Variants in ANKAR observed in about 807,000 individuals in gnomAD.
ANKAR encodes ankyrin and armadillo repeat containing, also known as ankyrin and armadillo repeat-containing protein.
ANKAR carries 136 observed loss-of-function variants against 146.2 expected under a neutral mutation model. That is an observed-to-expected ratio of 0.93 (90% confidence interval 0.81 to 1.07). The LOEUF (loss-of-function observed/expected upper bound fraction) is 1.07, where lower values mean the gene tolerates loss of function less well. Ranked by LOEUF, ANKAR falls within the 50% of genes least tolerant of loss-of-function variation. The pLI, the probability that ANKAR is intolerant of heterozygous loss-of-function variation, is 0.00. For synonymous variants in ANKAR, 500 were observed against 575.8 expected (o/e 0.87, Z 1.88); for missense variants, 1,567 against 1,679.9 (o/e 0.93, Z 1.18).
At chr2:189,678,158 A>G (rs892684751) in intron 2 of ANKAR, among the ~76,000 whole-genome samples, 2 of 152,034 alleles carry the variant, frequency 1.3e-5, no homozygotes, top group Non-Finnish European at 2.9e-5. Context: ...ATGGTATCTC[A>G]GTGTGGTTTG....
chr2:189,742,904 TGA>T (rs1491575473), intron 20 of ANKAR, among the ~76,000 whole-genome samples: 5 of 10,560 alleles, frequency 4.7e-4, no homozygotes, highest in Admixed American at 1.1e-3. Context: ...TAGAATTACC[TGA>T]CACACACACA....
chr2:189,688,333 C>T (rs2035902234), intron 2 of ANKAR, among the ~76,000 whole-genome samples: 1 of 152,086 alleles, frequency 6.6e-6, no homozygotes, highest in African/African-American at 2.4e-5. Flanking sequence ...TGTTTTTATG[C>T]CAGTACGATG....
At chr2:189,757,932 A>C (rs2106043441) in intron 18 of ANKAR, among the ~76,000 whole-genome samples, 1 of 152,230 alleles carries the variant, frequency 6.6e-6, no homozygotes, top group South Asian at 2.1e-4. Flanking sequence ...TCACTTAGTG[A>C]TATGGTTTGG....
At position 189,728,273 on chromosome 2, in the gene ANKAR, CA is replaced by C. The variant is rs781385352; in HGVS notation, c.2887del (p.Ile963Ter). On this transcript the variant is annotated frameshift_variant, in exon 14 of 23. Coordinates refer to ENST00000684021, the MANE Select transcript of ANKAR (RefSeq NM_001378068.1). LOFTEE classifies it high-confidence loss of function. ...GAAATATTTTTAAAAATAGGCATTT[CA>C]AATAGATGTTAAGGAACAAGGAGCT... Reference protein sequence around the residue: ...KYLLKLLKAFQIDVKEQGAVA... With the variant: ...KYLLKLLKAFXIDVKEQGAVA... 6.3e-7 allele frequency: 1 copy of C among 1,591,522 alleles called. No homozygotes were observed. The highest frequency in any genetic ancestry group is 1.2e-5 in the South Asian group (1 of 85,008).
chr2:189,762,565 A>G (rs2047268360), downstream of ANKAR: 6 of 983,886 alleles, frequency 6.1e-6, no homozygotes, highest in Non-Finnish European at 7.2e-6. Context: ...GGCTGAACCC[A>G]CGTGACTTGG....
At chr2:189,725,924 GA>G (rs1413555970) in intron 12 of ANKAR, among the ~76,000 whole-genome samples, 1 of 151,888 alleles carries the variant, frequency 6.6e-6, no homozygotes, top group Non-Finnish European at 1.5e-5. Context: ...GAAAAGAAAA[GA>G]AAAGAAAAGT....
chr2:189,690,359 A>G (rs1344050298), intron 3 of ANKAR, among the ~76,000 whole-genome samples: 2 of 152,330 alleles, frequency 1.3e-5, no homozygotes, highest in East Asian at 3.9e-4. Flanking sequence ...TAAAATTAAT[A>G]TAGAGCAGCA....
In ANKAR at chr2:189,727,992, A is replaced by C. The variant is rs764133825; in HGVS notation, c.2772A>C (p.Gln924His). 1.4e-5 allele frequency: 22 copies of C among 1,614,060 alleles called. No individual in the cohort carries two copies. Among genetic ancestry groups the C allele is most frequent in the Non-Finnish European group, 1.9e-5 (22 of 1,179,992 alleles). Residue 924 changes from glutamine to histidine, a missense_variant, in exon 13 of 23, where the codon CAA (glutamine) becomes CAC (histidine). Transcript: ENST00000684021. ...ALFKGKQISV[Q>H]MKGAMAVESL... is the part of the protein sequence containing the mutation. ...TTAAAGGGAAACAAATTAGTGTCCAAATGAAAGGTGCAATGGCTGTGGAAT... is the reference window on the plus strand; with the variant it reads ...TTAAAGGGAAACAAATTAGTGTCCACATGAAAGGTGCAATGGCTGTGGAAT...
intron 4 of ANKAR, 85 bp downstream of exon 4, chr2:189,692,503 A>C: frequency 8.0e-7 from 1 of 1,242,774 alleles, no homozygotes. Context: ...CTGTTGGTAC[A>C]GGCACTCGAC....
At chr2:189,761,810 T>A (rs2047102380), downstream of ANKAR, 3 of 748,838 alleles carry the variant, frequency 4.0e-6, no homozygotes, top group East Asian at 1.0e-4. Context: ...ATAAATAATA[T>A]TATGAATGAA....
intron 10 of ANKAR, among the ~76,000 whole-genome samples, chr2:189,713,802 A>G (rs1274769525): frequency 2.6e-5 from 4 of 152,262 alleles, no homozygotes; most frequent in Non-Finnish European, 5.9e-5. Context: ...GCCCCAATTA[A>G]AAGACACGGA....
rs2037172104 is a variant in ANKAR, at chr2:189,696,165, A to G, written c.1504A>G (p.Met502Val). Residue 502 changes from methionine to valine, a missense_variant, in exon 7 of 23, where the codon ATG becomes GTG. Physicochemically the swap from Met to Val is conservative, Grantham distance 21 (BLOSUM62 1). Transcript: ENST00000684021. Reference protein sequence around the residue: ...AMKCKSIPFGMKSAVERGLSA... With the variant: ...AMKCKSIPFGVKSAVERGLSA... Reference sequence around the variant, plus strand: ...TTAATTTTAGAGTATTCCATTTGGTATGAAGTCCGCTGTTGAAAGAGGGTT... The same window carrying G: ...TTAATTTTAGAGTATTCCATTTGGTGTGAAGTCCGCTGTTGAAAGAGGGTT... The G allele has an allele frequency of 6.2e-7, 1 of 1,613,984 alleles. No individual in the cohort carries two copies. The highest frequency in any genetic ancestry group is 1.3e-5 in the African/African-American group (1 of 75,042).
chr2:189,693,150 T>C lies in ANKAR; in HGVS notation c.1280T>C (p.Ile427Thr). Residue 427 changes from isoleucine (I) to threonine (T), a missense_variant, in exon 5 of 23, where the codon ATA becomes ACA. By Grantham distance (89) the Ile-to-Thr change is moderately conservative. Coordinates refer to ENST00000684021, the MANE Select transcript of ANKAR (RefSeq NM_001378068.1). ...TCAGGATATAAAGAATATTACTCAA[T>C]ACCAGTCATGGAATTTCATGGAAAA... Reference protein sequence around the residue: ...EDSGYKEYYSIPVMEFHGKSY... With the variant: ...EDSGYKEYYSTPVMEFHGKSY... 1 of 1,557,910 alleles carries C rather than the reference T, an allele frequency of 6.4e-7. No homozygotes were observed. The highest frequency in any genetic ancestry group is 2.0e-5 in the Admixed American group (1 of 50,298).
Position 189,689,703 on chromosome 2 carries a change from G to A in ANKAR, c.778G>A (p.Val260Ile). ...CACACAAATTCAACAGTATGAAAATGTCTTTATATTTGAAACAGGCTATTG... is the reference window on the plus strand; with the variant it reads ...CACACAAATTCAACAGTATGAAAATATCTTTATATTTGAAACAGGCTATTG... The part of the protein sequence containing the change: ...STTQIQQYEN[V>I]FIFETGYWLT... Residue 260 changes from valine (V) to isoleucine (I), a missense_variant, in exon 3 of 23, where the codon GTC becomes ATC. Coordinates refer to ENST00000684021, the MANE Select transcript of ANKAR (RefSeq NM_001378068.1). 6.2e-7 allele frequency: 1 copy of A among 1,613,478 alleles called. No homozygotes were observed. Among genetic ancestry groups the A allele is most frequent in the African/African-American group, 1.3e-5 (1 of 74,984 alleles).
At chr2:189,721,918 A>C (rs1272712227) in intron 12 of ANKAR, among the ~76,000 whole-genome samples, 1 of 152,212 alleles carries the variant, frequency 6.6e-6, no homozygotes, top group Non-Finnish European at 1.5e-5. Flanking sequence ...AATTTAAGCA[A>C]GTGTCACTTT....
In ANKAR at chr2:189,728,585, C is replaced by G. The variant is rs1225087; in HGVS notation, c.3032-75C>G. 1,530,039 of 1,535,816 alleles carry G rather than the reference C, an allele frequency of 1. 762,291 individuals carry two copies. The highest frequency in any genetic ancestry group is 1 in the East Asian group (44,248 of 44,248). On this transcript the variant is annotated intron_variant, in intron 14 of 22. Coordinates refer to ENST00000684021, the MANE Select transcript of ANKAR (RefSeq NM_001378068.1). ...CCCAAGTAGCTGGGATTACAAGTGT[C>G]AGCCACCGTGTCCTCTGCATAATGT... is the stretch of plus-strand genomic sequence containing the variant.
Position 189,746,495 on chromosome 2 carries a change from T to C in ANKAR, c.4173T>C (p.Asp1391=), listed in dbSNP as rs781638743. 6.2e-7 allele frequency: 1 copy of C among 1,613,796 alleles called. No individual in the cohort carries two copies. The highest frequency in any genetic ancestry group is 1.7e-5 in the Admixed American group (1 of 59,994). The change falls in exon 23 of 23, where the codon GAT becomes GAC. Residue 1391 remains aspartate, a synonymous_variant. Transcript: ENST00000684021. ...GLFKATKKTK[D]SHNIFSFSST... is the part of the protein sequence containing the mutation. ...TCAAAGCAACAAAAAAGACCAAGGATTCCCATAATATTTTTTCTTTTTCAT... is the reference window on the plus strand; with the variant it reads ...TCAAAGCAACAAAAAAGACCAAGGACTCCCATAATATTTTTTCTTTTTCAT...
chr2:189,709,702 A>C (rs2039438109), intron 9 of ANKAR, among the ~76,000 whole-genome samples: 1 of 152,224 alleles, frequency 6.6e-6, no homozygotes, highest in Non-Finnish European at 1.5e-5. Context: ...AGGTACTGGG[A>C]ACATATCCCA....
intron 10 of ANKAR, 42 bp downstream of exon 10, chr2:189,711,195 T>TCTAC: frequency 7.1e-7 from 1 of 1,407,116 alleles, no homozygotes; most frequent in East Asian, 2.3e-5. Flanking sequence ...CTATTTTATG[T>TCTAC]AGAGCTATAT....
Sources: allele counts gnomAD v4.1 joint callset (sites outside exome capture counted in the v4.1 genomes callset), GRCh38; gene constraint gnomAD v4.1.1; transcripts MANE v1.5; gene names NCBI Gene and HGNC (gene_info 2026-07-23, HGNC 2026-07-21).